The following PKHD1 variants were observed in gnomAD, a reference collection of about 807,000 sequenced individuals.
PKHD1 encodes fibrocystin.
A neutral mutation model predicts 412.0 loss-of-function variants in PKHD1; 291 were observed. The observed-to-expected ratio is 0.71, with a 90% CI of 0.64 to 0.78. PKHD1 has a LOEUF of 0.78. PKHD1 is among the 30% of genes least tolerant of loss of function. The pLI is 0.00. For synonymous variants in PKHD1, 1,777 were observed against 1,821.5 expected (o/e 0.98, Z 0.62); for missense variants, 4,825 against 4,950.7 (o/e 0.97, Z 0.76).
chr6:51,783,955 T>C (rs1792452695), intron 53 of PKHD1, among the ~76,000 whole-genome samples: 1 of 152,108 alleles, frequency 6.6e-6, no homozygotes, highest in African/African-American at 2.4e-5. Context: ...AGATTGAATG[T>C]TTTCCAAGAA....
At chr6:51,927,886 C>T (rs1409413565) in intron 37 of PKHD1, among the ~76,000 whole-genome samples, 3 of 151,972 alleles carry the variant, frequency 2.0e-5, no homozygotes, top group Admixed American at 1.3e-4. Context: ...TGGATGCTAA[C>T]GGATTGAAAA....
Position 51,891,750 on chromosome 6 carries a change from T to C in PKHD1, c.6997-4505A>G, listed in dbSNP as rs906958105. Among the ~76,000 whole-genome samples the C allele has an allele frequency of 2.3e-3, 287 of 122,750 alleles. 4 individuals carry two copies. The highest frequency in any genetic ancestry group is 1.2e-3 in the Non-Finnish European group (65 of 54,996). 80.5% of individuals were successfully genotyped at this position (122,750 alleles called of 152,430 possible). A position where few individuals can be genotyped will look rare whatever the true frequency, so the allele number is the denominator to read the frequency against. ...ACACACACACACACACACACACACATTCAGCCAAGCAAAGACAGTATGGGG... is the reference window on the plus strand; with the variant it reads ...ACACACACACACACACACACACACACTCAGCCAAGCAAAGACAGTATGGGG... On this transcript the variant is annotated intron_variant, in intron 43 of 66. Transcript: ENST00000371117.
chr6:51,680,775 T>C (rs1776543105), intron 60 of PKHD1, among the ~76,000 whole-genome samples: 1 of 152,034 alleles, frequency 6.6e-6, no homozygotes, highest in Non-Finnish European at 1.5e-5. Context: ...ACTTCCAGAC[T>C]ATAGTGAAAA....
chr6:51,943,408 A>C (rs1004126520), intron 36 of PKHD1, among the ~76,000 whole-genome samples: 1 of 150,434 alleles, frequency 6.6e-6, no homozygotes, highest in Non-Finnish European at 1.5e-5. Flanking sequence ...AAAAAAAAAA[A>C]CTCATCATCC....
rs1793234942 is a variant in PKHD1, at chr6:51,968,847, CTCAAAT to C, written c.5752-8827_5752-8822del. On this transcript the variant is annotated intron_variant, in intron 35 of 66. Coordinates refer to ENST00000371117, the MANE Select transcript of PKHD1 (RefSeq NM_138694.4). ...CTGAGTCTAGTGACCTTCTCAAATC[CTCAAAT>C]TCAAACATATTACTTGTATGAAGCA... is the stretch of plus-strand genomic sequence containing the variant. Among the ~76,000 whole-genome samples, 3 of 152,152 alleles carry C rather than the reference CTCAAAT, an allele frequency of 2.0e-5. No homozygotes were observed. In the South Asian group the frequency reaches 6.2e-4, roughly 32 times the overall value.
Position 52,003,681 on chromosome 6 carries a change from T to G in PKHD1, c.5751+6628A>C, listed in dbSNP as rs141585348. The stretch of plus-strand genomic sequence containing the variant: ...ATTCTATGACACTACCACAAGAATT[T>G]TCAAACATACTGTTATCAGGAGAAC... On this transcript the variant is annotated intron_variant, in intron 35 of 66. Coordinates refer to ENST00000371117, the MANE Select transcript of PKHD1 (RefSeq NM_138694.4). Among the ~76,000 whole-genome samples the G allele has an allele frequency of 2.6e-4, 40 of 152,320 alleles. 2 individuals carry two copies. In the East Asian group the frequency reaches 7.7e-3, roughly 29 times the overall value.
At chr6:51,626,916 G>A in intron 66 of PKHD1, 81 bp downstream of exon 66, 1 of 1,472,634 alleles carries the variant, frequency 6.8e-7, no homozygotes, top group Middle Eastern at 1.7e-4. Flanking sequence ...TTGCTTCAGA[G>A]ACAGAGCTGA....
Position 51,855,973 on chromosome 6 carries a change from G to A in PKHD1, c.7831C>T (p.Arg2611Cys), listed in dbSNP as rs766115289. ...NYVRDTLSNP[R>C]GWMALLLDQE... ...TCCAAGAGCAGAGCCATCCAGCCAC[G>A]AGGGTTAGACAATGTATCACGTACA... The change falls in exon 49 of 67, where the codon CGT becomes TGT. Residue 2611 changes from arginine (R) to cysteine (C), a missense_variant. Arg to Cys is a radical substitution (Grantham distance 180). Transcript: ENST00000371117. 6.8e-5 allele frequency: 110 copies of A among 1,612,398 alleles called. No individual in the cohort carries two copies. Among genetic ancestry groups the A allele is most frequent in the Admixed American group, 1.0e-4 (6 of 60,012 alleles).
chr6:51,623,742 C>T (rs1355466025), intron 66 of PKHD1, among the ~76,000 whole-genome samples: 1 of 152,108 alleles, frequency 6.6e-6, no homozygotes, highest in African/African-American at 2.4e-5. Context: ...TGCCACCACA[C>T]CCAGCTAATT....
chr6:52,002,806 C>A (rs963963158), intron 35 of PKHD1, among the ~76,000 whole-genome samples: 7 of 152,142 alleles, frequency 4.6e-5, no homozygotes, highest in African/African-American at 1.4e-4. Context: ...AAATTAGCCT[C>A]TAAATAGCTA....
intron 60 of PKHD1, among the ~76,000 whole-genome samples, chr6:51,693,996 T>C (rs1390512305): frequency 6.6e-6 from 1 of 152,136 alleles, no homozygotes; most frequent in African/African-American, 2.4e-5. Flanking sequence ...TATATTATTT[T>C]ACTATATAAA....
At position 52,061,648 on chromosome 6, in the gene PKHD1, C is replaced by A. The variant is rs185079580; in HGVS notation, c.1118+871G>T. 5.4e-5 allele frequency among the ~76,000 whole-genome samples: 8 copies of A among 148,028 alleles called. No individual in the cohort carries two copies. In the East Asian group the frequency reaches 1.8e-3, roughly 34 times the overall value. ...TATTAGATTGGTGCAAAAGTAATTG[C>A]GGTTTTTGCCATTACCTTCAACGGT... On this transcript the variant is annotated intron_variant, in intron 14 of 66. Transcript: ENST00000371117.
intron 46 of PKHD1, among the ~76,000 whole-genome samples, chr6:51,878,640 A>G (rs1183652142): frequency 1.5e-4 from 5 of 33,454 alleles, no homozygotes; most frequent in Non-Finnish European, 1.6e-4. Flanking sequence ...ATCTATGACA[A>G]ACCCACAGCC....
intron 35 of PKHD1, among the ~76,000 whole-genome samples, chr6:51,988,059 T>C (rs1028301189): frequency 6.6e-6 from 1 of 152,234 alleles, no homozygotes; most frequent in Non-Finnish European, 1.5e-5. Flanking sequence ...TGTTCACTTC[T>C]TGCCTTTCTC....
intron 12 of PKHD1, 70 bp from the exon 13 acceptor site, chr6:52,065,120 G>C: frequency 2.6e-6 from 1 of 383,600 alleles, no homozygotes; most frequent in Non-Finnish European, 5.1e-6. Context: ...TATGTGTGTG[G>C]GTATATGTAT....
intron 57 of PKHD1, among the ~76,000 whole-genome samples, chr6:51,751,524 T>C (rs1038850778): frequency 6.6e-6 from 1 of 152,216 alleles, no homozygotes; most frequent in Non-Finnish European, 1.5e-5. Context: ...GTGAAAGGTA[T>C]ACAGGATCTC....
At chr6:51,962,710 A>C (rs1792246556) in intron 35 of PKHD1, among the ~76,000 whole-genome samples, 1 of 152,054 alleles carries the variant, frequency 6.6e-6, no homozygotes, top group Non-Finnish European at 1.5e-5. Flanking sequence ...CTCTCCCGGG[A>C]TGCTCTTTCC....
chr6:51,648,760 T>G (rs554577419), intron 62 of PKHD1, among the ~76,000 whole-genome samples: 5 of 152,232 alleles, frequency 3.3e-5, no homozygotes, highest in Non-Finnish European at 7.3e-5. Flanking sequence ...GTGAAAAACT[T>G]CTTCAGATAT....
At chr6:51,688,982 A>G (rs1264421751) in intron 60 of PKHD1, among the ~76,000 whole-genome samples, 6 of 152,126 alleles carry the variant, frequency 3.9e-5, no homozygotes, top group Non-Finnish European at 8.8e-5. Flanking sequence ...GGGACTCCGC[A>G]CTAACACATT....
Sources: gnomAD v4.1 joint callset for allele counts (sites outside exome capture counted in the v4.1 genomes callset) on GRCh38, gnomAD v4.1.1 for gene constraint, MANE v1.5 for transcripts, NCBI Gene and HGNC (gene_info 2026-07-23, HGNC 2026-07-21) for gene names.